WDR26: variants seen among roughly 807,000 people sequenced by gnomAD.
The protein encoded by WDR26 is WD repeat-containing protein 26.
WDR26 carries 5 observed loss-of-function variants against 84.1 expected under a neutral mutation model. The observed-to-expected ratio is 0.06, with a 90% CI of 0.03 to 0.13. The LOEUF is 0.13. WDR26 is among the 10% of genes least tolerant of loss of function. The pLI, the probability that WDR26 is intolerant of heterozygous loss-of-function variation, is 1.00. For missense variants in WDR26, 642 were observed against 974.9 expected, an observed-to-expected ratio of 0.66 and a Z score of 4.55; for synonymous variants, 415 against 389.6, an observed-to-expected ratio of 1.07 and a Z score of -0.77.
intron 3 of WDR26, among the ~76,000 whole-genome samples, chr1:224,425,549 T>C (rs1433465250): frequency 6.6e-6 from 1 of 152,252 alleles, no homozygotes; most frequent in African/African-American, 2.4e-5. Context: ...TGCTACTTTA[T>C]TATTTTACTT....
chr1:224,433,755 C>T lies in WDR26; in HGVS notation c.651G>A (p.Lys217=). 1.3e-6 allele frequency: 2 copies of T among 1,536,080 alleles called. No homozygotes were observed. Among genetic ancestry groups the T allele is most frequent in the Non-Finnish European group, 1.7e-6 (2 of 1,146,464 alleles). Residue 217 remains lysine (K), a synonymous_variant, in exon 1 of 14, where the codon AAG becomes AAA. Coordinates refer to ENST00000414423, the MANE Select transcript of WDR26 (RefSeq NM_001379403.1). ...CCTCATCTGACTGGGAGAGCCGCTTCTTCTTCTTGAGGCTGCTGCCCAGTT... is the reference window on the plus strand; with the variant it reads ...CCTCATCTGACTGGGAGAGCCGCTTTTTCTTCTTGAGGCTGCTGCCCAGTT...
chr1:224,417,836 T>C (rs1673950957), intron 6 of WDR26, among the ~76,000 whole-genome samples: 1 of 152,230 alleles, frequency 6.6e-6, no homozygotes, highest in Admixed American at 6.5e-5. Flanking sequence ...AGTTAAATTA[T>C]GGACATGGGT....
intron 13 of WDR26, among the ~76,000 whole-genome samples, chr1:224,390,243 C>T (rs1217648815): frequency 1.3e-5 from 2 of 152,142 alleles, no homozygotes; most frequent in Non-Finnish European, 1.5e-5. Flanking sequence ...CCTCTGCTTC[C>T]TGAGTAGCCA....
chr1:224,433,617 C>CCCA, intron 1 of WDR26, 67 bp downstream of exon 1: 12 of 877,096 alleles, frequency 1.4e-5, no homozygotes, highest in Non-Finnish European at 1.8e-5. Context: ...TCCGCCCCTT[C>CCCA]CCCTACCCCC....
intron 7 of WDR26, 91 bp downstream of exon 7, chr1:224,411,336 T>C: frequency 2.2e-6 from 3 of 1,341,778 alleles, no homozygotes; most frequent in Non-Finnish European, 2.0e-6. Flanking sequence ...AGAATACTAT[T>C]GATACATATA....
intron 7 of WDR26, among the ~76,000 whole-genome samples, chr1:224,410,694 C>CA (rs778649643): frequency 8.4e-6 from 1 of 118,954 alleles, no homozygotes; most frequent in Non-Finnish European, 1.7e-5. Context: ...ATCTTTCTTT[C>CA]TTTTTTTTTT....
intron 4 of WDR26, among the ~76,000 whole-genome samples, chr1:224,424,077 G>C (rs1393915475): frequency 6.6e-6 from 1 of 152,098 alleles, no homozygotes; most frequent in Non-Finnish European, 1.5e-5. Flanking sequence ...GACTGATGTT[G>C]ATGTGAGGAT....
At chr1:224,405,464 T>A (rs1172619404) in intron 7 of WDR26, among the ~76,000 whole-genome samples, 1 of 152,210 alleles carries the variant, frequency 6.6e-6, no homozygotes, top group African/African-American at 2.4e-5. Flanking sequence ...GGTCGTATGC[T>A]AACTCTGTTT....
intron 4 of WDR26, among the ~76,000 whole-genome samples, chr1:224,424,073 T>C (rs1393865730): frequency 6.6e-6 from 1 of 152,070 alleles, no homozygotes; most frequent in Non-Finnish European, 1.5e-5. Context: ...AAAGGACTGA[T>C]GTTGATGTGA....
chr1:224,400,947 T>C lies in WDR26; in HGVS notation c.1719+3A>G. Reference sequence around the variant, plus strand: ...TACTGGGAAGGGGGCACTGAATACTTACACACTGATAGAACTGCCCACGCT... The same window carrying C: ...TACTGGGAAGGGGGCACTGAATACTCACACACTGATAGAACTGCCCACGCT... On this transcript the variant is annotated splice_donor_region_variant and intron_variant, in intron 9 of 13. Coordinates refer to ENST00000414423, the MANE Select transcript of WDR26 (RefSeq NM_001379403.1). 6.2e-7 allele frequency: 1 copy of C among 1,612,870 alleles called. No homozygotes were observed. The highest frequency in any genetic ancestry group is 8.5e-7 in the Non-Finnish European group (1 of 1,179,610).
intron 12 of WDR26, among the ~76,000 whole-genome samples, chr1:224,396,727 G>A (rs1403407077): frequency 6.6e-6 from 1 of 152,134 alleles, no homozygotes; most frequent in Non-Finnish European, 1.5e-5. Context: ...AGGAGGCTGA[G>A]GCAGGTAGAC....
Position 224,434,699 on chromosome 1 carries a change from C to CGGCGGCG in WDR26, c.-301_-295dup, listed in dbSNP as rs1674559899. 2.1e-6 allele frequency: 2 copies of CGGCGGCG among 943,226 alleles called. No homozygotes were observed. The highest frequency in any genetic ancestry group is 4.7e-5 in the South Asian group (1 of 21,306). The allele number at this position is 943,226 out of a possible 1,614,324, so 58.4% of individuals were successfully genotyped here. A position where few individuals can be genotyped will look rare whatever the true frequency, so the allele number is the denominator to read the frequency against. Reference sequence around the variant, plus strand: ...GCCCCGGCAGTGGCTGCGGCGGCGGCGGCGGCGGGCGGCAGCGGAGGCAGC... The same window carrying CGGCGGCG: ...GCCCCGGCAGTGGCTGCGGCGGCGGCGGCGGCGGGCGGCGGGCGGCAGCGGAGGCAGC... On this transcript the variant is annotated 5_prime_UTR_variant, in exon 1 of 14. Transcript: ENST00000414423.
rs1434276240 is a variant in WDR26, at chr1:224,387,047, TAAC to T, written c.*2785_*2787del. 5 of 152,728 alleles carry T rather than the reference TAAC, an allele frequency of 3.3e-5. No individual in the cohort carries two copies. Among genetic ancestry groups the T allele is most frequent in the South Asian group, 4.1e-4 (2 of 4,828 alleles). 9.5% of individuals were successfully genotyped at this position (152,728 alleles called of 1,614,324 possible). A position where few individuals can be genotyped will look rare whatever the true frequency, so the allele number is the denominator to read the frequency against. On this transcript the variant is annotated 3_prime_UTR_variant, in exon 14 of 14. Transcript: ENST00000414423. ...TTTGCTCTAGCCCTTAATCAATGCATAACAACAAAAACATTTTTAAGCACATGG... is the reference window on the plus strand; with the variant it reads ...TTTGCTCTAGCCCTTAATCAATGCATAACAAAAACATTTTTAAGCACATGG...
At chr1:224,396,493 C>T (rs1030950963) in intron 12 of WDR26, among the ~76,000 whole-genome samples, 12 of 152,030 alleles carry the variant, frequency 7.9e-5, no homozygotes, top group Admixed American at 2.0e-4. Context: ...TTATCTCCCG[C>T]GATATATTAA....
Position 224,407,151 on chromosome 1 carries a change from A to AAAAAAAGAATATATATAT in WDR26, c.1459-2582_1459-2581insATATATATATTCTTTTTT. ...AAAAAAAAAAAAAAAAAAAAAAAAA[A>AAAAAAAGAATATATATAT]ATATATATATATATATATATAACTC... On this transcript the variant is annotated intron_variant, in intron 7 of 13. Transcript: ENST00000414423. Among the ~76,000 whole-genome samples the AAAAAAAGAATATATATAT allele has an allele frequency of 3.8e-3, 45 of 11,884 alleles. 6 individuals carry two copies. In the South Asian group the frequency reaches 0.038, roughly 10 times the overall value. 7.8% of individuals were successfully genotyped at this position (11,884 alleles called of 152,430 possible).
chr1:224,411,244 A>G (rs998816452), intron 7 of WDR26, among the ~76,000 whole-genome samples, 183 bp downstream of exon 7: 2 of 152,232 alleles, frequency 1.3e-5, no homozygotes, highest in African/African-American at 4.8e-5. Flanking sequence ...ATAAACACTC[A>G]ACAATGTTGA....
chr1:224,428,380 G>A (rs993107091), intron 3 of WDR26, among the ~76,000 whole-genome samples: 1 of 152,120 alleles, frequency 6.6e-6, no homozygotes, highest in Admixed American at 6.6e-5. Context: ...TGATTTCTCA[G>A]AGAAAAGGGG....
At chr1:224,430,537 A>G (rs1674362351) in intron 3 of WDR26, 1 of 152,182 alleles carries the variant, frequency 6.6e-6, no homozygotes, top group Admixed American at 6.5e-5. Flanking sequence ...TTTTTATAGA[A>G]AAAGGCAGAA....
chr1:224,416,714 T>G (rs979320010), intron 6 of WDR26, among the ~76,000 whole-genome samples: 1 of 152,250 alleles, frequency 6.6e-6, no homozygotes, highest in Non-Finnish European at 1.5e-5. Flanking sequence ...TGATACCTCT[T>G]GAACCATTAT....
Sources: gnomAD v4.1 joint callset for allele counts (sites outside exome capture counted in the v4.1 genomes callset) on GRCh38, gnomAD v4.1.1 for gene constraint, MANE v1.5 for transcripts, NCBI Gene and HGNC (gene_info 2026-07-23, HGNC 2026-07-21) for gene names.